PRKCH: variants seen among roughly 807,000 people sequenced by gnomAD.
The protein encoded by PRKCH is protein kinase C eta type.
In PRKCH, 28 loss-of-function variants were observed where a neutral mutation model predicts 82.5. The observed-to-expected ratio is 0.34, with a 90% confidence interval of 0.25 to 0.47. The LOEUF is 0.47. Among genes scored for constraint, PRKCH ranks in the 20% least tolerant of loss-of-function variants. PRKCH has a pLI of 1.00. For synonymous variants in PRKCH, 322 were observed against 327.4 expected (o/e 0.98, Z 0.18); for missense variants, 705 against 881.8 (o/e 0.80, Z 2.54).
chr14:61,435,421 C>G (rs1384663519), intron 2 of PRKCH, among the ~76,000 whole-genome samples: 1 of 152,164 alleles, frequency 6.6e-6, no homozygotes, highest in Non-Finnish European at 1.5e-5. Flanking sequence ...GTACAATTAG[C>G]TAGGAGAAAG....
rs562614824 is a variant in PRKCH, at chr14:61,306,834, T to C, written c.-19+119166T>C. ...AATGTAACTTCAATAACCATTAGTT[T>C]GTTGAAGTTCCTTTAAATGACTGTA... On this transcript the variant is annotated intron_variant, in intron 1 of 3. Transcript: ENST00000555185. The C allele has an allele frequency of 6.6e-5, 10 of 152,364 alleles. No homozygotes were observed. In the East Asian group the frequency reaches 1.9e-3, roughly 29 times the overall value. 9.4% of individuals were successfully genotyped at this position (152,364 alleles called of 1,614,324 possible).
At chr14:61,317,049 C>T (rs1427077765), upstream of PRKCH, among the ~76,000 whole-genome samples, 1 of 152,228 alleles carries the variant, frequency 6.6e-6, no homozygotes, top group African/African-American at 2.4e-5. Flanking sequence ...GGTTTAAATA[C>T]TTCACGTCAA....
At chr14:61,472,733 A>C (rs1433371861) in intron 9 of PRKCH, among the ~76,000 whole-genome samples, 2 of 152,222 alleles carry the variant, frequency 1.3e-5, no homozygotes, top group African/African-American at 2.4e-5. Flanking sequence ...ACAACAAAAC[A>C]AAAAGTAGAA....
At chr14:61,204,325 G>A (rs913587598) in intron 1 of PRKCH, among the ~76,000 whole-genome samples, 1 of 152,074 alleles carries the variant, frequency 6.6e-6, no homozygotes, top group African/African-American at 2.4e-5. Flanking sequence ...CCATTATTTT[G>A]CATTTTATGT....
Position 61,240,323 on chromosome 14 carries a change from G to A in PRKCH, c.-19+52655G>A, listed in dbSNP as rs536651033. Reference sequence around the variant, plus strand: ...GTTATATTGGGAGGTTGGAGGAAGCGGTGTCTGATTTGCACAGGGCTCAGG... The same window carrying A: ...GTTATATTGGGAGGTTGGAGGAAGCAGTGTCTGATTTGCACAGGGCTCAGG... On this transcript the variant is annotated intron_variant, in intron 1 of 3. Coordinates refer to the PRKCH transcript ENST00000555185. 2.2e-4 allele frequency among the ~76,000 whole-genome samples: 33 copies of A among 152,250 alleles called. No individual in the cohort carries two copies. In the East Asian group the frequency reaches 3.3e-3, roughly 15 times the overall value.
rs1883955989 is a variant in PRKCH, at chr14:61,441,267, T to C, written c.428-1844T>C. On this transcript the variant is annotated intron_variant, in intron 2 of 13. Transcript: ENST00000332981. ...TGCTAAGCTCTTTGAATGTGTTACCTGATTCAGTCCTTGGGAAAACCCTAG... is the reference window on the plus strand; with the variant it reads ...TGCTAAGCTCTTTGAATGTGTTACCCGATTCAGTCCTTGGGAAAACCCTAG... 2.0e-5 allele frequency among the ~76,000 whole-genome samples: 3 copies of C among 152,262 alleles called. No individual in the cohort carries two copies. The South Asian group carries it at 6.2e-4, about 32-fold the overall frequency.
At chr14:61,270,078 A>G (rs1045985700) in intron 1 of PRKCH, among the ~76,000 whole-genome samples, 2 of 152,172 alleles carry the variant, frequency 1.3e-5, no homozygotes, top group African/African-American at 4.8e-5. Context: ...AAATTTGAGG[A>G]AATGTGGCTA....
chr14:61,438,272 C>T (rs995883126), intron 2 of PRKCH, among the ~76,000 whole-genome samples: 1 of 152,114 alleles, frequency 6.6e-6, no homozygotes, highest in South Asian at 2.1e-4. Context: ...GTGTAGCCCC[C>T]TTAAAGATAA....
chr14:61,242,944 C>G (rs1470224588), intron 1 of PRKCH, among the ~76,000 whole-genome samples: 1 of 152,088 alleles, frequency 6.6e-6, no homozygotes, highest in African/African-American at 2.4e-5. Flanking sequence ...ATCCATCATT[C>G]CTGGTGTTTA....
chr14:61,352,689 G>GGAAAGGAAA lies in PRKCH; in HGVS notation c.363+30230_363+30231insGAAAGAAAG, dbSNP rs1555378083. On this transcript the variant is annotated intron_variant, in intron 1 of 13. Transcript: ENST00000332981. ...GAGAGAGAGAGAGAGAGAAAGGAAA[G>GGAAAGGAAA]GAAAGAAAGAAAGAAAGAAAGAAAG... Among the ~76,000 whole-genome samples, 273 of 126,534 alleles carry GGAAAGGAAA rather than the reference G, an allele frequency of 2.2e-3. 2 individuals carry two copies. The highest frequency in any genetic ancestry group is 6.8e-3 in the East Asian group (30 of 4,412). 83.0% of individuals were successfully genotyped at this position (126,534 alleles called of 152,430 possible).
chr14:61,201,528 CAA>C (rs1299041640), intron 1 of PRKCH, among the ~76,000 whole-genome samples: 4 of 151,884 alleles, frequency 2.6e-5, no homozygotes, highest in Non-Finnish European at 5.9e-5. Context: ...ATTATAATAA[CAA>C]GAGAATATAA....
chr14:61,343,694 G>C (rs184056077), intron 1 of PRKCH, among the ~76,000 whole-genome samples: 2 of 152,310 alleles, frequency 1.3e-5, no homozygotes, highest in East Asian at 3.9e-4. Flanking sequence ...CTGTGAAAGA[G>C]TAAAATTGGC....
intron 10 of PRKCH, among the ~76,000 whole-genome samples, chr14:61,520,281 C>A (rs543135551): frequency 1.2e-4 from 17 of 146,306 alleles, no homozygotes; most frequent in African/African-American, 3.9e-4. Context: ...GTCTTTCCTC[C>A]TTTTTCCTCC....
intron 13 of PRKCH, among the ~76,000 whole-genome samples, chr14:61,549,403 T>A (rs2043299193): frequency 6.6e-6 from 1 of 152,240 alleles, no homozygotes; most frequent in Non-Finnish European, 1.5e-5. Flanking sequence ...AGCCAGCTGC[T>A]TTTGGATGAC....
intron 1 of PRKCH, chr14:61,281,289 C>T (rs73310579): frequency 0.013 from 5,316 of 409,694 alleles, 126 homozygotes; most frequent in African/African-American, 0.069. Context: ...GCCCGGGCCC[C>T]TCCTCTGCCT....
intron 7 of PRKCH, among the ~76,000 whole-genome samples, chr14:61,454,988 T>C (rs1884691996): frequency 6.6e-6 from 1 of 152,184 alleles, no homozygotes; most frequent in Non-Finnish European, 1.5e-5. Flanking sequence ...ATTTCCTTTT[T>C]ACTGAAGGAC....
intron 1 of PRKCH, among the ~76,000 whole-genome samples, chr14:61,235,764 T>A (rs962305980): frequency 6.6e-6 from 1 of 152,190 alleles, no homozygotes; most frequent in African/African-American, 2.4e-5. Context: ...AAAGAATGAT[T>A]CACAAATCGG....
At chr14:61,371,160 T>C (rs763247188) in intron 1 of PRKCH, among the ~76,000 whole-genome samples, 1 of 152,102 alleles carries the variant, frequency 6.6e-6, no homozygotes, top group Non-Finnish European at 1.5e-5. Context: ...AGCATTTTCT[T>C]GAATAAACAT....
At chr14:61,189,432 G>T (rs2044392851) in intron 1 of PRKCH, among the ~76,000 whole-genome samples, 1 of 152,218 alleles carries the variant, frequency 6.6e-6, no homozygotes, top group Non-Finnish European at 1.5e-5. Context: ...TGTCTCCAGT[G>T]CAGGGCCTTT....
Sources: allele counts gnomAD v4.1 joint callset (sites outside exome capture counted in the v4.1 genomes callset), GRCh38; gene constraint gnomAD v4.1.1; transcripts MANE v1.5; gene names NCBI Gene and HGNC (gene_info 2026-07-23, HGNC 2026-07-21).